The following GRIP2 variants were observed in gnomAD, a reference collection of about 807,000 sequenced individuals.
The protein encoded by GRIP2 is glutamate receptor-interacting protein 2.
A neutral mutation model predicts 108.3 loss-of-function variants in GRIP2; 58 were observed. The observed-to-expected ratio is 0.54, with a 90% CI of 0.43 to 0.67. The LOEUF (loss-of-function observed/expected upper bound fraction) is 0.67. Ranked by LOEUF, GRIP2 falls within the 30% of genes least tolerant of loss-of-function variation. The probability of loss-of-function intolerance (pLI) is 0.00; values close to 1 mark genes in which losing one functional copy is unlikely to be tolerated. For synonymous variants in GRIP2, 586 were observed against 598.2 expected, an observed-to-expected ratio of 0.98 and a Z score of 0.30; for missense variants, 1,278 against 1,430.6, an observed-to-expected ratio of 0.89 and a Z score of 1.72.
At chr3:14,528,697 A>T (rs1371946847) in intron 1 of GRIP2, among the ~76,000 whole-genome samples, 1 of 53,736 alleles carries the variant, frequency 1.9e-5, no homozygotes, top group African/African-American at 4.1e-5. Flanking sequence ...CTCCCTAATT[A>T]AAAAAAAAAA....
the GRIP2 span, among the ~76,000 whole-genome samples, chr3:14,590,901 C>T: frequency 4.7e-4 from 71 of 152,298 alleles, 1 homozygote; most frequent in African/African-American, 1.7e-3. Flanking sequence ...TTTATGTGAA[C>T]GTTCTACTCC....
intron 7 of GRIP2, 68 bp from the exon 8 acceptor site, chr3:14,520,605 C>T: frequency 6.5e-7 from 1 of 1,543,332 alleles, no homozygotes; most frequent in South Asian, 1.1e-5. Flanking sequence ...CCTCACCCTG[C>T]TATCCTGATT....
At position 14,506,924 on chromosome 3, in the gene GRIP2, C is replaced by T; in HGVS notation, c.2275G>A (p.Asp759Asn). 4 of 1,607,522 alleles carry T rather than the reference C, an allele frequency of 2.5e-6. No individual in the cohort carries two copies. Among genetic ancestry groups the T allele is most frequent in the East Asian group, 2.2e-5 (1 of 44,602 alleles). The change falls in exon 19 of 24, where the codon GAC becomes AAC. Residue 759 changes from aspartate to asparagine, a missense_variant. By Grantham distance (23) the Asp-to-Asn change is conservative (BLOSUM62 1). Transcript: ENST00000621039. ...SLSETSDADE[D>N]PADALKGGLP... is the part of the protein sequence containing the mutation. Reference sequence around the variant, plus strand: ...CCTCCTTTCAGGGCATCTGCTGGGTCCTCATCAGCATCACTGGTCTCACTG... The same window carrying T: ...CCTCCTTTCAGGGCATCTGCTGGGTTCTCATCAGCATCACTGGTCTCACTG...
chr3:14,529,160 T>C (rs1694641080), intron 1 of GRIP2, among the ~76,000 whole-genome samples: 1 of 150,816 alleles, frequency 6.6e-6, no homozygotes, highest in African/African-American at 2.4e-5. Flanking sequence ...GCGCCTGTAG[T>C]CCCAGCTACC....
At chr3:14,523,749 C>A in intron 4 of GRIP2, 51 bp from the exon 5 acceptor site, 2 of 1,251,398 alleles carry the variant, frequency 1.6e-6, no homozygotes, top group South Asian at 1.3e-5. Context: ...ATCTCCAGGC[C>A]GGTAGATGTG....
Position 14,511,406 on chromosome 3 carries a change from C to G in GRIP2, c.1787+7G>C. On this transcript the variant is annotated splice_region_variant and intron_variant, in intron 15 of 23. Transcript: ENST00000621039. This position sits in a 1 kb window ranked among gnomAD's most constrained non-coding sequence, Gnocchi z 4.1. ...CCACTTCCCTTCCTGTGCCCCAGTGCCCCTACCTGTGTGCCACGCTGCCTT... is the reference window on the plus strand; with the variant it reads ...CCACTTCCCTTCCTGTGCCCCAGTGGCCCTACCTGTGTGCCACGCTGCCTT... The G allele has an allele frequency of 6.2e-7, 1 of 1,614,006 alleles. No homozygotes were observed. Among genetic ancestry groups the G allele is most frequent in the Non-Finnish European group, 8.5e-7 (1 of 1,179,872 alleles).
intron 23 of GRIP2, among the ~76,000 whole-genome samples, chr3:14,494,520 CTTTCCAG>C (rs1184425293): frequency 6.6e-6 from 1 of 152,224 alleles, no homozygotes. Flanking sequence ...CCACGTGTGA[CTTTCCAG>C]TCTGTCTCCT....
At chr3:14,497,734 G>C (rs1693652865) in intron 21 of GRIP2, among the ~76,000 whole-genome samples, 1 of 152,206 alleles carries the variant, frequency 6.6e-6, no homozygotes, top group Admixed American at 6.5e-5. Context: ...AGGCTGGGAG[G>C]AGATCTGTTA....
the GRIP2 span, among the ~76,000 whole-genome samples, chr3:14,568,168 T>C: frequency 1.3e-5 from 2 of 151,896 alleles, no homozygotes; most frequent in African/African-American, 4.8e-5. Context: ...GGGAGGGTGT[T>C]GAAGAGAGGA....
At chr3:14,499,134 G>A (rs62233594) in intron 21 of GRIP2, among the ~76,000 whole-genome samples, 2,698 of 152,280 alleles carry the variant, frequency 0.018, 45 homozygotes, top group South Asian at 0.027. Flanking sequence ...CGTGACCTCC[G>A]CATGAAGGTG....
intron 17 of GRIP2, among the ~76,000 whole-genome samples, chr3:14,508,124 C>T (rs992417827): frequency 6.6e-6 from 1 of 152,238 alleles, no homozygotes; most frequent in African/African-American, 2.4e-5. Context: ...ATTCCTACTT[C>T]CCTCCAGCAG....
rs114904104 is a variant in GRIP2, at chr3:14,504,667, G to A, written c.2573+948C>T. On this transcript the variant is annotated intron_variant, in intron 20 of 23. Transcript: ENST00000621039. ...TTGCTATCTTAGGGAGCTTAGGAAC[G>A]AGGATGTGTTGCCTCCTTCCCTTTC... Among the ~76,000 whole-genome samples the A allele has an allele frequency of 6.3e-3, 955 of 152,304 alleles. 8 individuals carry two copies. The highest frequency in any genetic ancestry group is 0.024 in the Middle Eastern group (7 of 294).
chr3:14,504,997 G>T (rs985567300), intron 20 of GRIP2, among the ~76,000 whole-genome samples: 7 of 152,146 alleles, frequency 4.6e-5, no homozygotes, highest in Non-Finnish European at 1.0e-4. Context: ...GAGGGAGGGA[G>T]GAATCCCTTC....
chr3:14,498,502 G>T (rs2124841161), intron 21 of GRIP2, among the ~76,000 whole-genome samples: 1 of 152,250 alleles, frequency 6.6e-6, no homozygotes. Flanking sequence ...CTGTTGGGTT[G>T]GAGTGGGGGG....
chr3:14,541,323 G>C (rs118104105), upstream of GRIP2, among the ~76,000 whole-genome samples: 169 of 152,332 alleles, frequency 1.1e-3, 1 homozygote, highest in East Asian at 0.015. Context: ...TCAACAACCT[G>C]TACAACTGCA....
the GRIP2 span, among the ~76,000 whole-genome samples, chr3:14,565,666 G>GT: frequency 3.4e-3 from 514 of 152,358 alleles, 6 homozygotes; most frequent in African/African-American, 0.011. Flanking sequence ...CATCCTCAGT[G>GT]TAAGTGGCCA....
rs200529805 is a variant in GRIP2, at chr3:14,506,966, G to A, written c.2233C>T (p.Arg745Cys). Residue 745 changes from arginine to cysteine, a missense_variant, in exon 19 of 24, where the codon CGC becomes TGC. Coordinates refer to ENST00000621039, the MANE Select transcript of GRIP2 (RefSeq NM_001080423.4). ...KKQLDRPLLP[R>C]KSGSLSETSD... is the part of the protein sequence containing the mutation. Reference sequence around the variant, plus strand: ...GTCTCACTGAGGCTGCCCGACTTGCGGGGTAGGAGGGGACCTGGGAGGAGA... The same window carrying A: ...GTCTCACTGAGGCTGCCCGACTTGCAGGGTAGGAGGGGACCTGGGAGGAGA... 4,245 of 1,603,264 alleles carry A rather than the reference G, an allele frequency of 2.6e-3. 17 individuals carry two copies. The highest frequency in any genetic ancestry group is 3.3e-3 in the Non-Finnish European group (3,871 of 1,174,704).
chr3:14,588,324 G>A, the GRIP2 span, among the ~76,000 whole-genome samples: 5 of 152,186 alleles, frequency 3.3e-5, no homozygotes, highest in Admixed American at 3.3e-4. Flanking sequence ...GACTCCTTGG[G>A]TGTGAGGAAC....
chr3:14,550,555 C>T (rs1022536447), intron 1 of GRIP2, among the ~76,000 whole-genome samples: 2 of 152,258 alleles, frequency 1.3e-5, no homozygotes, highest in Admixed American at 6.5e-5. Flanking sequence ...AGTTCAACTC[C>T]TAGATCTACC....
Sources: gnomAD v4.1 joint callset for allele counts (sites outside exome capture counted in the v4.1 genomes callset) on GRCh38, gnomAD v4.1.1 for gene constraint, Gnocchi (gnomAD v3.1) non-coding constraint, MANE v1.5 for transcripts, NCBI Gene and HGNC (gene_info 2026-07-23, HGNC 2026-07-21) for gene names.